CCSER1: variants seen among roughly 807,000 people sequenced by gnomAD.
CCSER1 encodes serine-rich coiled-coil domain-containing protein 1.
In CCSER1, 41 loss-of-function variants were observed where a neutral mutation model predicts 82.0. The ratio of observed to expected loss-of-function variants is 0.50; its 90% CI spans 0.39 to 0.65. CCSER1 has a LOEUF of 0.65. CCSER1 is among the 30% of genes least tolerant of loss of function. CCSER1 has a pLI of 0.00. For missense variants in CCSER1, 1,119 were observed against 1,064.2 expected (o/e 1.05, Z -0.72); for synonymous variants, 414 against 383.9 (o/e 1.08, Z -0.92).
chr4:91,466,226 C>T (rs1022659486), intron 10 of CCSER1, among the ~76,000 whole-genome samples: 4 of 152,166 alleles, frequency 2.6e-5, no homozygotes, highest in Admixed American at 6.5e-5. Context: ...CGTAATCCAT[C>T]ATATAAACAG....
Position 91,080,088 on chromosome 4 carries a change from C to G in CCSER1, c.2173-5862C>G, listed in dbSNP as rs560840586. ...AGACCTCATAGACATCTACAGAACTCTCCACCCCAAAACAACAGAACATAC... is the reference window on the plus strand; with the variant it reads ...AGACCTCATAGACATCTACAGAACTGTCCACCCCAAAACAACAGAACATAC... On this transcript the variant is annotated intron_variant, in intron 9 of 10. Transcript: ENST00000509176. Among the ~76,000 whole-genome samples the G allele has an allele frequency of 4.1e-3, 617 of 152,304 alleles. 1 individual carries two copies. The highest frequency in any genetic ancestry group is 5.5e-3 in the Non-Finnish European group (372 of 68,030).
chr4:90,188,291 T>A (rs911349028), intron 1 of CCSER1, among the ~76,000 whole-genome samples: 11 of 151,882 alleles, frequency 7.2e-5, no homozygotes, highest in East Asian at 3.9e-4. Context: ...AAGGATTTTT[T>A]AAAAAAATAT....
chr4:90,934,086 TTTTC>T (rs1487434291), intron 9 of CCSER1, among the ~76,000 whole-genome samples: 1 of 151,754 alleles, frequency 6.6e-6, no homozygotes, highest in Non-Finnish European at 1.5e-5. Context: ...TTTCATAAGG[TTTTC>T]TTTATGATCA....
intron 5 of CCSER1, among the ~76,000 whole-genome samples, chr4:90,603,505 A>C (rs1343015884): frequency 2.0e-5 from 3 of 152,180 alleles, no homozygotes; most frequent in Non-Finnish European, 2.9e-5. Context: ...TGGGTAGGAT[A>C]CCTCTCAAGC....
chr4:90,876,440 C>T (rs36081798), intron 8 of CCSER1, among the ~76,000 whole-genome samples: 31,464 of 151,986 alleles, frequency 0.21, 3,492 homozygotes, highest in Non-Finnish European at 0.23. Context: ...TGGAAGCAAT[C>T]ATGTGTGAAA....
At chr4:90,776,684 T>C (rs1752938628) in intron 7 of CCSER1, among the ~76,000 whole-genome samples, 2 of 152,232 alleles carry the variant, frequency 1.3e-5, no homozygotes, top group Admixed American at 1.3e-4. Flanking sequence ...CACGTTAGTG[T>C]TCACCATATA....
chr4:91,562,363 A>ATCTT (rs1342830950), intron 10 of CCSER1, among the ~76,000 whole-genome samples: 1 of 151,468 alleles, frequency 6.6e-6, no homozygotes, highest in Non-Finnish European at 1.5e-5. Flanking sequence ...TGTACTAAGT[A>ATCTT]TCTTTATATA....
intron 10 of CCSER1, among the ~76,000 whole-genome samples, chr4:91,450,526 T>C (rs946225981): frequency 1.3e-5 from 2 of 151,912 alleles, no homozygotes; most frequent in Non-Finnish European, 2.9e-5. Context: ...AATCTTGGAG[T>C]GAGGAGAAAC....
intron 1 of CCSER1, among the ~76,000 whole-genome samples, chr4:90,167,976 T>C (rs1453849659): frequency 6.6e-6 from 1 of 152,286 alleles, no homozygotes; most frequent in South Asian, 2.1e-4. Context: ...TTATAATCCT[T>C]TGGGTATCTA....
intron 10 of CCSER1, among the ~76,000 whole-genome samples, chr4:91,120,355 T>A (rs749917451): frequency 1.3e-5 from 2 of 151,978 alleles, no homozygotes; most frequent in Non-Finnish European, 2.9e-5. Flanking sequence ...TGGTCTTATA[T>A]CAGCATCATG....
rs143414583 is a variant in CCSER1 at position 90,651,771 on chromosome 4, C to T, written c.1932+23539C>T. On this transcript the variant is annotated intron_variant, in intron 6 of 10. Coordinates refer to ENST00000509176, the MANE Select transcript of CCSER1 (RefSeq NM_001145065.2). ...CTAGGACAGAGAGCAAATTTGAAAGCTAATGTCTCCTTCCAAGACAAGTTT... is the reference window on the plus strand; with the variant it reads ...CTAGGACAGAGAGCAAATTTGAAAGTTAATGTCTCCTTCCAAGACAAGTTT... Among the ~76,000 whole-genome samples the T allele has an allele frequency of 2.3e-3, 349 of 152,144 alleles. 3 individuals are homozygous for T. Among genetic ancestry groups the T allele is most frequent in the African/African-American group, 7.5e-3 (313 of 41,534 alleles).
At chr4:90,340,193 CT>C (rs1253747768) in intron 3 of CCSER1, among the ~76,000 whole-genome samples, 1 of 152,092 alleles carries the variant, frequency 6.6e-6, no homozygotes, top group Non-Finnish European at 1.5e-5. Flanking sequence ...ATTAATTTCT[CT>C]TTTGGCCTCA....
At chr4:90,338,012 G>T (rs560075870) in intron 3 of CCSER1, among the ~76,000 whole-genome samples, 16 of 152,262 alleles carry the variant, frequency 1.1e-4, no homozygotes, top group African/African-American at 3.6e-4. Context: ...TTGAAGGCAG[G>T]ATCTGAAGCC....
intron 10 of CCSER1, among the ~76,000 whole-genome samples, chr4:91,146,303 T>C (rs770336970): frequency 1.3e-5 from 2 of 152,180 alleles, no homozygotes. Context: ...TATGGTGATA[T>C]TGGCTTTCCA....
At chr4:91,538,698 C>CATATATTATATATACACATATATTATAT in intron 10 of CCSER1, among the ~76,000 whole-genome samples, 1 of 138,340 alleles carries the variant, frequency 7.2e-6, no homozygotes, top group East Asian at 2.1e-4. Flanking sequence ...TATATATACA[C>CATATATTATATATACACATATATTATAT]ATATATATAT....
chr4:91,115,527 A>G (rs1290733488), intron 10 of CCSER1, among the ~76,000 whole-genome samples: 1 of 152,004 alleles, frequency 6.6e-6, no homozygotes, highest in Non-Finnish European at 1.5e-5. Flanking sequence ...GAGTTTCACT[A>G]TGTTGGCCAG....
intron 10 of CCSER1, among the ~76,000 whole-genome samples, chr4:91,187,756 T>A (rs1245538215): frequency 1.3e-5 from 2 of 152,186 alleles, no homozygotes; most frequent in Non-Finnish European, 2.9e-5. Flanking sequence ...TTTCACCACA[T>A]TGGCCAGGCT....
chr4:90,784,975 C>G (rs1366686311), intron 7 of CCSER1, among the ~76,000 whole-genome samples: 2 of 152,062 alleles, frequency 1.3e-5, no homozygotes, highest in African/African-American at 2.4e-5. Flanking sequence ...TGAGGAGGAA[C>G]AGGAAGATGA....
chr4:90,279,371 A>G (rs908082638), intron 1 of CCSER1, among the ~76,000 whole-genome samples: 5 of 152,160 alleles, frequency 3.3e-5, no homozygotes, highest in South Asian at 4.1e-4. Context: ...AATCCACTAT[A>G]TGGATGTGTG....
Sources: allele counts gnomAD v4.1 joint callset (sites outside exome capture counted in the v4.1 genomes callset), GRCh38; gene constraint gnomAD v4.1.1; transcripts MANE v1.5; gene names NCBI Gene and HGNC (gene_info 2026-07-23, HGNC 2026-07-21).